TFCP2: variants seen among roughly 807,000 people sequenced by gnomAD.
TFCP2 encodes the protein transcription factor CP2.
Under a neutral mutation model 73.4 loss-of-function variants are expected in TFCP2, and 33 were observed. The observed-to-expected ratio is 0.45, with a 90% CI of 0.34 to 0.60. The LOEUF (loss-of-function observed/expected upper bound fraction) is 0.60, where lower values mean the gene tolerates loss of function less well. TFCP2 is among the 20% of genes least tolerant of loss of function. TFCP2 has a pLI of 0.01. For missense variants in TFCP2, 352 were observed against 604.0 expected, an observed-to-expected ratio of 0.58 and a Z score of 4.37; for synonymous variants, 193 against 211.6, an observed-to-expected ratio of 0.91 and a Z score of 0.76.
At position 51,115,017 on chromosome 12, in the gene TFCP2, C is replaced by T. The variant is rs1273624963; in HGVS notation, c.457+1298G>A. On this transcript the variant is annotated intron_variant, in intron 4 of 14. Transcript: ENST00000257915. Reference sequence around the variant, plus strand: ...GAGAGGTTGTGGTGAGTTGATATCGCGCCATTGCACTCCAGCCTGGGCAAC... The same window carrying T: ...GAGAGGTTGTGGTGAGTTGATATCGTGCCATTGCACTCCAGCCTGGGCAAC... Among the ~76,000 whole-genome samples, 9 of 128,320 alleles carry T rather than the reference C, an allele frequency of 7.0e-5. No individual in the cohort carries two copies. In the East Asian group the frequency reaches 1.1e-3, roughly 15 times the overall value. 84.2% of individuals were successfully genotyped at this position (128,320 alleles called of 152,430 possible). A position where few individuals can be genotyped will look rare whatever the true frequency, so the allele number is the denominator to read the frequency against.
At chr12:51,097,325 C>T (rs558439605) in intron 13 of TFCP2, among the ~76,000 whole-genome samples, 16 of 151,892 alleles carry the variant, frequency 1.1e-4, no homozygotes, top group Admixed American at 5.2e-4. Context: ...CTTGGCTCAC[C>T]GCAACCTCTG....
intron 1 of TFCP2, among the ~76,000 whole-genome samples, chr12:51,169,975 G>A (rs1196101189): frequency 6.6e-6 from 1 of 152,184 alleles, no homozygotes; most frequent in African/African-American, 2.4e-5. Context: ...TGCTGGTGAT[G>A]TTAACTATTT....
chr12:51,096,002 C>G lies in TFCP2; in HGVS notation c.1458G>C (p.Leu486=). ...TCTTACTATTACCTTTCATTGTGTC[C>G]AGAATAAAACATGCTTCTTCCTGAA... The part of the protein sequence containing the change: ...QNFQEEACFI[L]DTMKAETNDS... Residue 486 remains leucine, a synonymous_variant, in exon 14 of 15, where the codon CTG becomes CTC. Coordinates refer to ENST00000257915, the MANE Select transcript of TFCP2 (RefSeq NM_005653.5). 1 of 1,612,880 alleles carries G rather than the reference C, an allele frequency of 6.2e-7. No homozygotes were observed.
At chr12:51,122,253 CTTTTTTTT>C (rs11347975) in intron 1 of TFCP2, among the ~76,000 whole-genome samples, 6 of 73,180 alleles carry the variant, frequency 8.2e-5, no homozygotes, top group African/African-American at 1.1e-4. Context: ...TTTTTCTTTT[CTTTTTTTT>C]TTTTTTTTTT....
chr12:51,149,281 G>T (rs978075448), intron 1 of TFCP2, among the ~76,000 whole-genome samples: 2 of 152,184 alleles, frequency 1.3e-5, no homozygotes, highest in African/African-American at 4.8e-5. Context: ...GAAAGCATGG[G>T]AAGAGGTGAG....
In TFCP2 at chr12:51,139,498, C is replaced by A. The variant is rs189662497; in HGVS notation, c.123-20726G>T. ...TCAATCCACCCACCTCAGCCTCAGC[C>A]TCCCAAGTAGCTAGGACTATAGGCA... On this transcript the variant is annotated intron_variant, in intron 1 of 14. Coordinates refer to ENST00000257915, the MANE Select transcript of TFCP2 (RefSeq NM_005653.5). Among the ~76,000 whole-genome samples, 68 of 152,240 alleles carry A rather than the reference C, an allele frequency of 4.5e-4. 2 individuals carry two copies. The East Asian group carries it at 0.01, about 23-fold the overall frequency.
chr12:51,128,138 C>T (rs989647662), intron 1 of TFCP2, among the ~76,000 whole-genome samples: 3 of 151,878 alleles, frequency 2.0e-5, no homozygotes, highest in South Asian at 2.1e-4. Flanking sequence ...AGGCTGGTCT[C>T]GAACTCCTGA....
chr12:51,124,090 C>T (rs1011696183), intron 1 of TFCP2, among the ~76,000 whole-genome samples: 4 of 124,740 alleles, frequency 3.2e-5, no homozygotes, highest in Admixed American at 2.8e-4. Context: ...AACCAACCAG[C>T]TACTTTTCTT....
chr12:51,156,920 C>T (rs1345262242), intron 1 of TFCP2: 2 of 152,166 alleles, frequency 1.3e-5, no homozygotes, highest in Admixed American at 1.3e-4. Flanking sequence ...AGAACAAGTT[C>T]TATCTGTAAC....
intron 1 of TFCP2, among the ~76,000 whole-genome samples, chr12:51,165,177 A>AAG (rs1941730089): frequency 6.6e-6 from 1 of 152,150 alleles, no homozygotes; most frequent in Admixed American, 6.6e-5. Context: ...CAACATAGGG[A>AAG]GACTTGGTCT....
chr12:51,103,806 T>G, intron 9 of TFCP2, 43 bp from the exon 10 acceptor site: 1 of 1,507,698 alleles, frequency 6.6e-7, no homozygotes, highest in South Asian at 1.1e-5. Context: ...AATAGATTTG[T>G]CTGTTACCCC....
At chr12:51,103,943 C>A in intron 9 of TFCP2, 180 bp from the exon 10 acceptor site, 1 of 695,106 alleles carries the variant, frequency 1.4e-6, no homozygotes, top group South Asian at 1.8e-5. Context: ...CCCCACTAGA[C>A]TATAAGCTGC....
chr12:51,168,489 G>GT (rs1434323983), intron 1 of TFCP2, among the ~76,000 whole-genome samples: 1 of 151,832 alleles, frequency 6.6e-6, no homozygotes, highest in Non-Finnish European at 1.5e-5. Flanking sequence ...TTTTGGTTTG[G>GT]TTTTTGTTTT....
Position 51,107,318 on chromosome 12 carries a change from G to GT in TFCP2, c.745dup (p.Thr249AsnfsTer3). 6.2e-7 allele frequency: 1 copy of GT among 1,612,226 alleles called. No homozygotes were observed. Among genetic ancestry groups the GT allele is most frequent in the Non-Finnish European group, 8.5e-7 (1 of 1,179,582 alleles). On this transcript the variant is annotated frameshift_variant, in exon 7 of 15. Coordinates refer to ENST00000257915, the MANE Select transcript of TFCP2 (RefSeq NM_005653.5). LOFTEE classifies it high-confidence loss of function. ...TCGTTTCTCCATTTTTTCCCTATCCGTTTTTTGCTTTCTGTCTGCACCTTT... is the reference window on the plus strand; with the variant it reads ...TCGTTTCTCCATTTTTTCCCTATCCGTTTTTTTGCTTTCTGTCTGCACCTTT...
In TFCP2 at chr12:51,112,494, A is replaced by G. The variant is rs117209690; in HGVS notation, c.458-1511T>C. 3.8e-3 allele frequency among the ~76,000 whole-genome samples: 573 copies of G among 152,352 alleles called. 1 individual carries two copies. Among genetic ancestry groups the G allele is most frequent in the East Asian group, 0.036 (185 of 5,190 alleles). On this transcript the variant is annotated intron_variant, in intron 4 of 14. Coordinates refer to ENST00000257915, the MANE Select transcript of TFCP2 (RefSeq NM_005653.5). Reference sequence around the variant, plus strand: ...CCAAAAGCACATTAAGAGTATTGCTATTGAAGGGGTGCAGCAGAGTGTCTA... The same window carrying G: ...CCAAAAGCACATTAAGAGTATTGCTGTTGAAGGGGTGCAGCAGAGTGTCTA...
rs181231871 is a variant in TFCP2, at chr12:51,106,197, A to G, written c.917+328T>C. Among the ~76,000 whole-genome samples, 6 of 152,340 alleles carry G rather than the reference A, an allele frequency of 3.9e-5. No homozygotes were observed. The East Asian group carries it at 1.2e-3, about 29-fold the overall frequency. On this transcript the variant is annotated intron_variant, in intron 8 of 14. Coordinates refer to ENST00000257915, the MANE Select transcript of TFCP2 (RefSeq NM_005653.5). ...TGCAAGTATGATCAGGAAATGAAAT[A>G]ACCACAAGATGTGCAGTAATAGGGA... is the stretch of plus-strand genomic sequence containing the variant.
chr12:51,097,817 G>A (rs990952450), intron 13 of TFCP2, among the ~76,000 whole-genome samples: 23 of 151,980 alleles, frequency 1.5e-4, no homozygotes, highest in African/African-American at 5.3e-4. Context: ...AGGAGTTCGA[G>A]ACCAGACTGG....
At chr12:51,098,560 A>C (rs776035783) in intron 13 of TFCP2, among the ~76,000 whole-genome samples, 5 of 151,968 alleles carry the variant, frequency 3.3e-5, no homozygotes, top group Non-Finnish European at 7.4e-5. Context: ...CAGGAGGAGG[A>C]GGTCGCAGTG....
At chr12:51,123,296 A>G (rs1251542689) in intron 1 of TFCP2, among the ~76,000 whole-genome samples, 2 of 152,208 alleles carry the variant, frequency 1.3e-5, no homozygotes, top group Non-Finnish European at 2.9e-5. Flanking sequence ...TTCTTGCTAC[A>G]CCGCATTTCT....
Sources: allele counts gnomAD v4.1 joint callset (sites outside exome capture counted in the v4.1 genomes callset), GRCh38; gene constraint gnomAD v4.1.1; transcripts MANE v1.5; gene names NCBI Gene and HGNC (gene_info 2026-07-23, HGNC 2026-07-21).